The following ZNF678 variants were observed in gnomAD, a reference collection of about 807,000 sequenced individuals.
ZNF678 encodes hypothetical protein MGC42493.
A neutral mutation model predicts 3.0 loss-of-function variants in ZNF678; 5 were observed. That is an observed-to-expected ratio of 1.69 (90% CI 0.88 to 3.56). The LOEUF (loss-of-function observed/expected upper bound fraction) is 3.56, where lower values mean the gene tolerates loss of function less well. Among genes scored for constraint, ZNF678 ranks in the 30% most tolerant of loss-of-function variants. ZNF678 has a pLI of 0.00. For missense variants in ZNF678, 593 were observed against 605.0 expected, an observed-to-expected ratio of 0.98 and a Z score of 0.21; for synonymous variants, 218 against 199.6, an observed-to-expected ratio of 1.09 and a Z score of -0.78.
intron 1 of ZNF678, among the ~76,000 whole-genome samples, chr1:227,618,713 TTTGTTTTTG>T (rs1273946657): frequency 3.3e-5 from 5 of 152,184 alleles, no homozygotes; most frequent in Non-Finnish European, 5.9e-5. Context: ...AGGGTGGTTT[TTTGTTTTTG>T]TTGTTTTTGT....
intron 1 of ZNF678, among the ~76,000 whole-genome samples, chr1:227,614,984 G>T (rs981561541): frequency 1.3e-5 from 2 of 152,164 alleles, no homozygotes; most frequent in African/African-American, 2.4e-5. Flanking sequence ...TACACATTAC[G>T]CAGCCTTCAG....
At chr1:227,594,156 T>C (rs1657499952) in intron 1 of ZNF678, among the ~76,000 whole-genome samples, 1 of 152,186 alleles carries the variant, frequency 6.6e-6, no homozygotes, top group Non-Finnish European at 1.5e-5. Context: ...AAGTGCCTTT[T>C]TACTGAGAAA....
chr1:227,589,356 T>C (rs1227168802), intron 1 of ZNF678, among the ~76,000 whole-genome samples: 1 of 151,850 alleles, frequency 6.6e-6, no homozygotes, highest in African/African-American at 2.4e-5. Context: ...TTCAACTTTC[T>C]GCATATGGCT....
intron 1 of ZNF678, among the ~76,000 whole-genome samples, chr1:227,592,113 A>C (rs937402062): frequency 1.3e-5 from 2 of 152,228 alleles, no homozygotes; most frequent in Non-Finnish European, 2.9e-5. Context: ...CAATACCTCT[A>C]CATAGTTATG....
At chr1:227,669,603 C>G (rs563892480) in intron 5 of ZNF678, among the ~76,000 whole-genome samples, 3 of 150,174 alleles carry the variant, frequency 2.0e-5, no homozygotes, top group Admixed American at 6.7e-5. Flanking sequence ...GAGCTGAAAT[C>G]GTGCCACTGC....
At chr1:227,676,939 G>T (rs972450199) in intron 5 of ZNF678, among the ~76,000 whole-genome samples, 26 of 152,210 alleles carry the variant, frequency 1.7e-4, no homozygotes, top group African/African-American at 6.0e-4. Context: ...CATTTGGGTT[G>T]GTTCCAAGTC....
intron 1 of ZNF678, among the ~76,000 whole-genome samples, chr1:227,633,231 T>A (rs1188435344): frequency 6.6e-6 from 1 of 152,190 alleles, no homozygotes; most frequent in African/African-American, 2.4e-5. Context: ...CAGAAGAGTG[T>A]GCAGTTGCAA....
At chr1:227,627,875 AG>A (rs1658455339) in intron 1 of ZNF678, among the ~76,000 whole-genome samples, 1 of 152,238 alleles carries the variant, frequency 6.6e-6, no homozygotes, top group Non-Finnish European at 1.5e-5. Context: ...GGATCCGTCA[AG>A]GGAACCTCTA....
rs1269515731 is a variant in ZNF678 at position 227,657,678 on chromosome 1, ACT to A, written c.*1853_*1854del. On this transcript the variant is annotated 3_prime_UTR_variant, in exon 4 of 4. Coordinates refer to ENST00000343776, the MANE Select transcript of ZNF678 (RefSeq NM_001367909.1). ...ATGGAGTTAATTTTATAAGTCTGTC[ACT>A]CTAAACATAAGTGTTAGCTTTAAGA... 6.6e-6 allele frequency: 1 copy of A among 151,984 alleles called. No homozygotes were observed. Among genetic ancestry groups the A allele is most frequent in the African/African-American group, 2.4e-5 (1 of 41,416 alleles). The allele number at this position is 151,984 out of a possible 1,614,324, so 9.4% of individuals were successfully genotyped here. A position where few individuals can be genotyped will look rare whatever the true frequency, so the allele number is the denominator to read the frequency against.
At chr1:227,665,913 G>A (rs1424825556), downstream of ZNF678, among the ~76,000 whole-genome samples, 2 of 152,102 alleles carry the variant, frequency 1.3e-5, no homozygotes, top group Non-Finnish European at 2.9e-5. Context: ...ACCCTATCCT[G>A]TATGCCGTTT....
At chr1:227,637,495 T>C (rs531241191) in intron 1 of ZNF678, among the ~76,000 whole-genome samples, 8 of 152,284 alleles carry the variant, frequency 5.3e-5, no homozygotes, top group African/African-American at 1.9e-4. Flanking sequence ...GGCTTCAAGC[T>C]GTTTAGAGAG....
chr1:227,589,280 C>T (rs1288388018), intron 1 of ZNF678, among the ~76,000 whole-genome samples: 1 of 151,720 alleles, frequency 6.6e-6, no homozygotes, highest in East Asian at 1.9e-4. Context: ...TTGGGTTTTA[C>T]AAATGTAAAA....
intron 1 of ZNF678, among the ~76,000 whole-genome samples, chr1:227,565,362 CTTG>C (rs981395329): frequency 2.0e-5 from 3 of 152,100 alleles, no homozygotes; most frequent in East Asian, 1.9e-4. Context: ...CCACGCCTGA[CTTG>C]TTGTTTTTAA....
At chr1:227,611,151 G>T (rs574876426) in intron 1 of ZNF678, among the ~76,000 whole-genome samples, 3 of 152,170 alleles carry the variant, frequency 2.0e-5, no homozygotes, top group African/African-American at 7.2e-5. Context: ...GGGCTACCTC[G>T]GTAGTCCTCC....
In ZNF678 at chr1:227,656,513, T is replaced by C. The variant is rs993134000; in HGVS notation, c.*685T>C. 3.3e-5 allele frequency: 5 copies of C among 151,882 alleles called. No homozygotes were observed. Among genetic ancestry groups the C allele is most frequent in the African/African-American group, 1.2e-4 (5 of 41,406 alleles). 9.4% of individuals were successfully genotyped at this position (151,882 alleles called of 1,614,324 possible). Reference sequence around the variant, plus strand: ...GTTTATGTTAAAGTATGTGGTCAGTTGTTGCTGCATAAGAGCTATGAGAAG... The same window carrying C: ...GTTTATGTTAAAGTATGTGGTCAGTCGTTGCTGCATAAGAGCTATGAGAAG... On this transcript the variant is annotated 3_prime_UTR_variant, in exon 4 of 4. Transcript: ENST00000343776.
intron 1 of ZNF678, among the ~76,000 whole-genome samples, chr1:227,630,200 G>A (rs1285012996): frequency 6.6e-6 from 1 of 152,200 alleles, no homozygotes; most frequent in Non-Finnish European, 1.5e-5. Flanking sequence ...CAGAAAGGCA[G>A]TAGGATTTTG....
chr1:227,645,163 C>A (rs1658923894), intron 1 of ZNF678, among the ~76,000 whole-genome samples: 1 of 152,168 alleles, frequency 6.6e-6, no homozygotes, highest in Admixed American at 6.5e-5. Flanking sequence ...GTAGCTTTTT[C>A]TGCATTTCAA....
chr1:227,655,394 T>G lies in ZNF678; in HGVS notation c.1144T>G (p.Cys382Gly). 4 of 1,612,650 alleles carry G rather than the reference T, an allele frequency of 2.5e-6. No individual in the cohort carries two copies. The highest frequency in any genetic ancestry group is 3.4e-6 in the Non-Finnish European group (4 of 1,179,360). ...AGAGAAACCCTACAAATGCAAAGAA[T>G]GTGGCAAAGCGTTTAACAAGTTCTC... ...TGEKPYKCKECGKAFNKFSSL... is the reference protein window; with the variant it reads ...TGEKPYKCKEGGKAFNKFSSL... The change falls in exon 4 of 4, where the codon TGT becomes GGT. Residue 382 changes from cysteine to glycine, a missense_variant. By Grantham distance (159) the Cys-to-Gly change is radical. Transcript: ENST00000343776.
At position 227,655,086 on chromosome 1, in the gene ZNF678, A is replaced by AC. The variant is rs1659195349; in HGVS notation, c.838dup (p.Leu280ProfsTer3). The AC allele has an allele frequency of 6.3e-7, 1 of 1,597,602 alleles. No homozygotes were observed. The highest frequency in any genetic ancestry group is 8.5e-7 in the Non-Finnish European group (1 of 1,173,072). ...GGCAACGTTTTTAATGAGTGCTCACACCTAACTAGACATAGGAGAATTCAT... is the reference window on the plus strand; with the variant it reads ...GGCAACGTTTTTAATGAGTGCTCACACCCTAACTAGACATAGGAGAATTCAT... On this transcript the variant is annotated frameshift_variant, in exon 4 of 4. Transcript: ENST00000343776. LOFTEE classifies it low-confidence loss of function (END_TRUNC).
Sources: gnomAD v4.1 joint callset for allele counts (sites outside exome capture counted in the v4.1 genomes callset) on GRCh38, gnomAD v4.1.1 for gene constraint, MANE v1.5 for transcripts, NCBI Gene and HGNC (gene_info 2026-07-23, HGNC 2026-07-21) for gene names.